NBEA: variants seen among roughly 807,000 people sequenced by gnomAD.
The protein encoded by NBEA is lysosomal-trafficking regulator 2.
A neutral mutation model predicts 343.4 loss-of-function variants in NBEA; 44 were observed. The observed-to-expected ratio is 0.13, with a 90% CI of 0.10 to 0.16. The LOEUF is 0.16. NBEA is among the 10% of genes least tolerant of loss of function. The pLI, the probability that NBEA is intolerant of heterozygous loss-of-function variation, is 1.00. For synonymous variants in NBEA, 1,175 were observed against 1,238.7 expected, an observed-to-expected ratio of 0.95 and a Z score of 1.08; for missense variants, 2,555 against 3,631.3, an observed-to-expected ratio of 0.70 and a Z score of 7.62.
At chr13:35,237,232 G>A (rs1358349646) in intron 34 of NBEA, among the ~76,000 whole-genome samples, 1 of 152,036 alleles carries the variant, frequency 6.6e-6, no homozygotes, top group Non-Finnish European at 1.5e-5. Context: ...TCCAGCCTGG[G>A]CACCGGAGAC....
intron 39 of NBEA, among the ~76,000 whole-genome samples, chr13:35,445,163 C>T (rs2045929791): frequency 6.6e-6 from 1 of 152,104 alleles, no homozygotes; most frequent in South Asian, 2.1e-4. Flanking sequence ...CATGCTTTAT[C>T]TTGAGTTTTT....
chr13:35,465,384 T>C (rs547454072), intron 40 of NBEA, among the ~76,000 whole-genome samples: 1 of 152,286 alleles, frequency 6.6e-6, no homozygotes, highest in Non-Finnish European at 1.5e-5. Flanking sequence ...CACATATATT[T>C]AATATATTTT....
intron 45 of NBEA, among the ~76,000 whole-genome samples, chr13:35,568,566 C>T (rs933866146): frequency 1.3e-5 from 2 of 151,890 alleles, no homozygotes; most frequent in Non-Finnish European, 2.9e-5. Flanking sequence ...ATCAGTCCCC[C>T]AAAAAATTAA....
chr13:35,397,519 T>G (rs1037962889), intron 38 of NBEA, among the ~76,000 whole-genome samples: 1 of 152,018 alleles, frequency 6.6e-6, no homozygotes, highest in Admixed American at 6.6e-5. Context: ...GGGCAGAGAC[T>G]TTTTTTTACT....
intron 1 of NBEA, among the ~76,000 whole-genome samples, chr13:34,995,092 T>C (rs557050637): frequency 6.6e-6 from 1 of 152,212 alleles, no homozygotes; most frequent in East Asian, 1.9e-4. Context: ...TAGAGTTAGC[T>C]CAGGAAACAA....
At chr13:35,627,781 GA>G (rs1229835351) in intron 48 of NBEA, among the ~76,000 whole-genome samples, 2 of 152,084 alleles carry the variant, frequency 1.3e-5, no homozygotes, top group East Asian at 3.9e-4. Context: ...GTTTTAATAA[GA>G]AATTTATTTA....
At chr13:35,425,719 A>G (rs1374869459) in intron 38 of NBEA, among the ~76,000 whole-genome samples, 1 of 152,118 alleles carries the variant, frequency 6.6e-6, no homozygotes, top group Non-Finnish European at 1.5e-5. Flanking sequence ...TTTCTGTCTC[A>G]TTGATCTGTC....
chr13:34,958,527 AGG>A (rs758385757), intron 1 of NBEA, among the ~76,000 whole-genome samples: 7,120 of 152,184 alleles, frequency 0.047, 252 homozygotes, highest in Non-Finnish European at 0.069. Context: ...AAATTGGGTC[AGG>A]ATTTGAAGAA....
intron 45 of NBEA, among the ~76,000 whole-genome samples, chr13:35,572,517 T>C (rs2080485924): frequency 6.6e-6 from 1 of 152,218 alleles, no homozygotes; most frequent in South Asian, 2.1e-4. Flanking sequence ...TTTTCCCAAA[T>C]TATTATGCCA....
chr13:35,595,565 G>A (rs1405593749), intron 47 of NBEA, among the ~76,000 whole-genome samples: 1 of 151,988 alleles, frequency 6.6e-6, no homozygotes, highest in Non-Finnish European at 1.5e-5. Context: ...CTGGTTGATG[G>A]AGAATCTTTC....
chr13:35,094,670 A>G (rs1310822800), intron 10 of NBEA, among the ~76,000 whole-genome samples: 1 of 152,054 alleles, frequency 6.6e-6, no homozygotes, highest in Non-Finnish European at 1.5e-5. Flanking sequence ...TATTTCTGCT[A>G]TGATCACTCT....
At chr13:35,492,310 A>G (rs2076531718) in intron 41 of NBEA, among the ~76,000 whole-genome samples, 1 of 151,966 alleles carries the variant, frequency 6.6e-6, no homozygotes, top group Admixed American at 6.6e-5. Context: ...GTAACCAAAT[A>G]CCACCTGTTC....
chr13:35,148,502 A>G (rs1454665194), intron 18 of NBEA, among the ~76,000 whole-genome samples: 1 of 152,180 alleles, frequency 6.6e-6, no homozygotes, highest in Non-Finnish European at 1.5e-5. Context: ...AAGCTGTATT[A>G]TAGTCTTCTG....
chr13:35,341,442 G>A (rs1038010631), intron 36 of NBEA, among the ~76,000 whole-genome samples: 3 of 151,976 alleles, frequency 2.0e-5, no homozygotes, highest in Non-Finnish European at 4.4e-5. Context: ...TCATTTACAA[G>A]ATAGTGAAAA....
chr13:35,584,324 T>G (rs929720885), intron 46 of NBEA, among the ~76,000 whole-genome samples: 7 of 150,958 alleles, frequency 4.6e-5, no homozygotes, highest in African/African-American at 1.7e-4. Context: ...CTTTTTTTTT[T>G]TTTTTTTCAG....
chr13:35,419,947 A>G (rs1469057261), intron 38 of NBEA, among the ~76,000 whole-genome samples: 2 of 152,106 alleles, frequency 1.3e-5, no homozygotes, highest in East Asian at 1.9e-4. Context: ...ATATAGAAAT[A>G]CAATTATTAT....
chr13:35,319,064 T>C lies in NBEA; in HGVS notation c.5903+9472T>C, dbSNP rs553988514. Among the ~76,000 whole-genome samples, 415 of 152,328 alleles carry C rather than the reference T, an allele frequency of 2.7e-3. 2 individuals carry two copies. Among genetic ancestry groups the C allele is most frequent in the South Asian group, 5.0e-3 (24 of 4,826 alleles). ...TTTCAAAAACCAGCTCCTGGATTCA[T>C]TGATTTTTTTGAAGGGTTTTTTGTG... is the stretch of plus-strand genomic sequence containing the variant. On this transcript the variant is annotated intron_variant, in intron 36 of 58. Coordinates refer to ENST00000379939, the MANE Select transcript of NBEA (RefSeq NM_001385012.1).
rs570665196 is a variant in NBEA, at chr13:35,363,100, C to T, written c.6179+10777C>T. ...GTGCACTGCAACCACCATACTAAGG[C>T]GTTTATTTAAATCCAGTTTAATTTG... is the stretch of plus-strand genomic sequence containing the variant. On this transcript the variant is annotated intron_variant, in intron 38 of 58. Coordinates refer to ENST00000379939, the MANE Select transcript of NBEA (RefSeq NM_001385012.1). Among the ~76,000 whole-genome samples the T allele has an allele frequency of 6.8e-4, 104 of 152,056 alleles. 1 individual carries two copies. The highest frequency in any genetic ancestry group is 2.5e-3 in the African/African-American group (103 of 41,544).
intron 38 of NBEA, among the ~76,000 whole-genome samples, chr13:35,391,946 A>G (rs1278332302): frequency 6.6e-6 from 1 of 152,112 alleles, no homozygotes; most frequent in Non-Finnish European, 1.5e-5. Flanking sequence ...GTTGTAAGCA[A>G]TACCACACAT....
Sources: allele counts gnomAD v4.1 joint callset (sites outside exome capture counted in the v4.1 genomes callset), GRCh38; gene constraint gnomAD v4.1.1; transcripts MANE v1.5; gene names NCBI Gene and HGNC (gene_info 2026-07-23, HGNC 2026-07-21).